Variants in PCCA observed in about 807,000 individuals in gnomAD.
The protein encoded by PCCA is propionyl-CoA carboxylase alpha chain, mitochondrial.
In PCCA, 74 loss-of-function variants were observed where a neutral mutation model predicts 101.3. The observed-to-expected ratio is 0.73, with a 90% CI of 0.61 to 0.89. PCCA has a LOEUF of 0.89. Among genes scored for constraint, PCCA ranks in the 40% least tolerant of loss-of-function variants. PCCA has a pLI of 0.00. For synonymous variants in PCCA, 294 were observed against 313.6 expected (o/e 0.94, Z 0.66); for missense variants, 891 against 907.0 (o/e 0.98, Z 0.23).
chr13:100,429,625 G>A (rs558455356), intron 20 of PCCA, among the ~76,000 whole-genome samples: 1 of 151,406 alleles, frequency 6.6e-6, no homozygotes, highest in East Asian at 1.9e-4. Context: ...TTATTATTTT[G>A]AGACACAGCC....
At chr13:100,159,045 A>T (rs12585094) in intron 6 of PCCA, among the ~76,000 whole-genome samples, 1 of 145,038 alleles carries the variant, frequency 6.9e-6, no homozygotes, top group South Asian at 2.1e-4. Context: ...AATATTATAT[A>T]CAGTTTATGC....
chr13:100,161,154 G>C (rs2054428350), intron 6 of PCCA: 1 of 152,146 alleles, frequency 6.6e-6, no homozygotes, highest in Non-Finnish European at 1.5e-5. Flanking sequence ...AAAATGAGAG[G>C]TAATTTTTAA....
At chr13:100,432,013 C>T (rs956519479) in intron 20 of PCCA, among the ~76,000 whole-genome samples, 5 of 152,096 alleles carry the variant, frequency 3.3e-5, no homozygotes, top group Non-Finnish European at 5.9e-5. Flanking sequence ...TGACCTGTAA[C>T]ATGGTGAAAC....
intron 21 of PCCA, among the ~76,000 whole-genome samples, chr13:100,500,739 A>G (rs1275037200): frequency 6.6e-6 from 1 of 152,254 alleles, no homozygotes; most frequent in Non-Finnish European, 1.5e-5. Context: ...AGGGACAGCA[A>G]CATTGAGGCC....
intron 19 of PCCA, among the ~76,000 whole-genome samples, chr13:100,410,631 C>T (rs2077988947): frequency 6.6e-6 from 1 of 152,198 alleles, no homozygotes; most frequent in African/African-American, 2.4e-5. Flanking sequence ...TTGCACACCA[C>T]TGTTTTTATT....
At chr13:100,525,017 A>G (rs2087662975) in intron 22 of PCCA, among the ~76,000 whole-genome samples, 1 of 150,758 alleles carries the variant, frequency 6.6e-6, no homozygotes, top group Non-Finnish European at 1.5e-5. Flanking sequence ...AGATAGATAG[A>G]TAGATAGATA....
At chr13:100,206,088 GT>G (rs2058835086) in intron 6 of PCCA, among the ~76,000 whole-genome samples, 2 of 151,908 alleles carry the variant, frequency 1.3e-5, no homozygotes, top group South Asian at 4.2e-4. Context: ...TGAAAATAAG[GT>G]TCTACTAAAA....
rs1430095224 is a variant in PCCA, at chr13:100,268,531, C to T, written c.820-158C>T. On this transcript the variant is annotated intron_variant, in intron 10 of 23. Coordinates refer to ENST00000376285, the MANE Select transcript of PCCA (RefSeq NM_000282.4). ...GCTTTGGAGTAATAAATATAGTTTT[C>T]CTTTGTTAACATGAATCAAAATAAT... 3 of 723,240 alleles carry T rather than the reference C, an allele frequency of 4.1e-6. No homozygotes were observed. The Admixed American group carries it at 5.8e-5, about 14-fold the overall frequency. The allele number at this position is 723,240 out of a possible 1,614,324, so 44.8% of individuals were successfully genotyped here.
At chr13:100,517,889 T>G (rs1398010708) in intron 22 of PCCA, among the ~76,000 whole-genome samples, 1 of 152,198 alleles carries the variant, frequency 6.6e-6, no homozygotes, top group Non-Finnish European at 1.5e-5. Context: ...CTGCTTAGTG[T>G]AATTAAAACA....
intron 16 of PCCA, among the ~76,000 whole-genome samples, chr13:100,325,735 G>A (rs1201666796): frequency 6.6e-6 from 1 of 152,124 alleles, no homozygotes; most frequent in African/African-American, 2.4e-5. Flanking sequence ...CAGTCTTCTG[G>A]TTGTACAACA....
At chr13:100,383,979 A>G (rs56322484) in intron 19 of PCCA, among the ~76,000 whole-genome samples, 2,733 of 151,610 alleles carry the variant, frequency 0.018, 92 homozygotes, top group African/African-American at 0.063. Flanking sequence ...CTAAGAAAAC[A>G]TTCCACCATA....
chr13:100,218,693 T>C (rs552648842), intron 7 of PCCA, among the ~76,000 whole-genome samples: 3 of 152,354 alleles, frequency 2.0e-5, no homozygotes, highest in East Asian at 3.9e-4. Context: ...TGATGTGATA[T>C]TACTCCCTTA....
intron 7 of PCCA, among the ~76,000 whole-genome samples, chr13:100,229,301 G>GCAAAAC (rs1234285295): frequency 1.3e-5 from 2 of 152,208 alleles, no homozygotes; most frequent in Non-Finnish European, 2.9e-5. Flanking sequence ...CAAAACTGAA[G>GCAAAAC]TGTAAAAAGT....
chr13:100,287,546 A>G (rs2064775513), intron 12 of PCCA, among the ~76,000 whole-genome samples: 1 of 152,144 alleles, frequency 6.6e-6, no homozygotes, highest in African/African-American at 2.4e-5. Flanking sequence ...TCAATCTGAA[A>G]GAGTATATTG....
At chr13:100,369,351 A>G (rs1205369963) in intron 19 of PCCA, among the ~76,000 whole-genome samples, 1 of 152,248 alleles carries the variant, frequency 6.6e-6, no homozygotes, top group East Asian at 1.9e-4. Flanking sequence ...TTTTATCAGA[A>G]TATTGAAATA....
intron 6 of PCCA, among the ~76,000 whole-genome samples, chr13:100,163,324 C>G (rs2152399319): frequency 6.6e-6 from 1 of 152,262 alleles, no homozygotes; most frequent in East Asian, 1.9e-4. Context: ...GTCAGAATGA[C>G]AGCTAAATTC....
At chr13:100,432,058 G>A (rs2079592764) in intron 20 of PCCA, among the ~76,000 whole-genome samples, 1 of 151,322 alleles carries the variant, frequency 6.6e-6, no homozygotes, top group Non-Finnish European at 1.5e-5. Flanking sequence ...TATTAACCGG[G>A]GATGGTGGTG....
chr13:100,499,450 C>T (rs1049680606), intron 21 of PCCA, among the ~76,000 whole-genome samples: 1 of 152,212 alleles, frequency 6.6e-6, no homozygotes, highest in Non-Finnish European at 1.5e-5. Flanking sequence ...TCTTCTGGTC[C>T]AGGCCTCACT....
At chr13:100,411,074 G>A (rs936475493) in intron 19 of PCCA, among the ~76,000 whole-genome samples, 1 of 151,998 alleles carries the variant, frequency 6.6e-6, no homozygotes, top group Admixed American at 6.6e-5. Context: ...GGAATCAGAG[G>A]TATCAATGTG....
Sources: gnomAD v4.1 joint callset for allele counts (sites outside exome capture counted in the v4.1 genomes callset) on GRCh38, gnomAD v4.1.1 for gene constraint, MANE v1.5 for transcripts, NCBI Gene and HGNC (gene_info 2026-07-23, HGNC 2026-07-21) for gene names.